YJU2B: variants seen among roughly 807,000 people sequenced by gnomAD.
YJU2B encodes the protein YJU2 splicing factor homolog B, also known as probable splicing factor YJU2B.
YJU2B carries 18 observed loss-of-function variants against 38.0 expected under a neutral mutation model. That is an observed-to-expected ratio of 0.47 (90% CI 0.33 to 0.70). The LOEUF (loss-of-function observed/expected upper bound fraction) is 0.70. YJU2B is among the 30% of genes least tolerant of loss of function. YJU2B has a pLI of 0.02. For missense variants in YJU2B, 538 were observed against 556.3 expected (o/e 0.97, Z 0.33); for synonymous variants, 246 against 225.4 (o/e 1.09, Z -0.82).
chr19:13,732,798 C>T (rs532655774), intron 2 of YJU2B, among the ~76,000 whole-genome samples: 7 of 151,738 alleles, frequency 4.6e-5, no homozygotes, highest in South Asian at 2.1e-4. Flanking sequence ...TAGTAGAGAC[C>T]GGGTTTCACC....
rs1257534852 is a variant in YJU2B, at chr19:13,753,116, G to A, written c.4-1173G>A. Among the ~76,000 whole-genome samples the A allele has an allele frequency of 2.0e-5, 3 of 152,298 alleles. No individual in the cohort carries two copies. In the East Asian group the frequency reaches 5.8e-4, roughly 29 times the overall value. Reference sequence around the variant, plus strand: ...TGGAATTTTCCAAAGCAATGACAATGGGTTTTTTGCCCAAGTAGCCCTTCC... The same window carrying A: ...TGGAATTTTCCAAAGCAATGACAATAGGTTTTTTGCCCAAGTAGCCCTTCC... On this transcript the variant is annotated intron_variant, in intron 2 of 9. Coordinates refer to ENST00000221554, the MANE Select transcript of YJU2B (RefSeq NM_030818.4).
At chr19:13,741,685 G>A (rs938870012) in intron 2 of YJU2B, among the ~76,000 whole-genome samples, 1 of 152,022 alleles carries the variant, frequency 6.6e-6, no homozygotes, top group African/African-American at 2.4e-5. Context: ...TGCAGTGATT[G>A]CACCACTGCA....
rs1973981339 is a variant in YJU2B, at chr19:13,763,062, TGAGTGAGCGATCCCCATCCTG to T, written c.1189_*18del. The stretch of plus-strand genomic sequence containing the variant: ...TGGCGGACTACTCCGACTCGGAGAG[TGAGTGAGCGATCCCCATCCTG>T]GAGACTGGACCCGCTCTAGAGGCCC... On this transcript the variant is annotated stop_lost and 3_prime_UTR_variant, in exon 10 of 10. Coordinates refer to ENST00000221554, the MANE Select transcript of YJU2B (RefSeq NM_030818.4). The T allele has an allele frequency of 6.5e-7, 1 of 1,545,690 alleles. No homozygotes were observed. The highest frequency in any genetic ancestry group is 8.7e-7 in the Non-Finnish European group (1 of 1,145,916).
upstream of YJU2B, among the ~76,000 whole-genome samples, chr19:13,745,700 T>TAGATAGAG (rs879294355): frequency 1.1e-3 from 116 of 104,342 alleles, no homozygotes; most frequent in African/African-American, 3.6e-3. Context: ...GATATAGATA[T>TAGATAGAG]ATAGATATCT....
At chr19:13,742,717 C>T (rs915771884) in intron 2 of YJU2B, among the ~76,000 whole-genome samples, 13 of 152,346 alleles carry the variant, frequency 8.5e-5, no homozygotes, top group African/African-American at 3.1e-4. Flanking sequence ...AACAGTGAGA[C>T]TCTACAAGCC....
In YJU2B at chr19:13,747,905, CA is replaced by C. The variant is rs2145116859; in HGVS notation, c.-250del. 1 of 152,420 alleles carries C rather than the reference CA, an allele frequency of 6.6e-6. No individual in the cohort carries two copies. Among genetic ancestry groups the C allele is most frequent in the African/African-American group, 2.4e-5 (1 of 41,602 alleles). 9.4% of individuals were successfully genotyped at this position (152,420 alleles called of 1,614,324 possible). ...AGGGCGCCCAGGTTCACCGCGCTCT[CA>C]GCGCGCACTTCCGGGCACGGTCAGG... is the stretch of plus-strand genomic sequence containing the variant. On this transcript the variant is annotated 5_prime_UTR_variant, in exon 1 of 10. Coordinates refer to ENST00000221554, the MANE Select transcript of YJU2B (RefSeq NM_030818.4).
chr19:13,755,057 A>G (rs182925385), intron 3 of YJU2B, among the ~76,000 whole-genome samples: 29 of 151,638 alleles, frequency 1.9e-4, no homozygotes, highest in African/African-American at 6.8e-4. Context: ...CTAGCTACTC[A>G]GGAGGCTGAG....
In YJU2B at chr19:13,756,022, A is replaced by C. The variant is rs560984666; in HGVS notation, c.58-175A>C. On this transcript the variant is annotated intron_variant, in intron 3 of 9. Coordinates refer to ENST00000221554, the MANE Select transcript of YJU2B (RefSeq NM_030818.4). ...CTCACGTTCCTGGTTCCAAGCCTAC[A>C]TGTTCCAGTAAGACCTGGATGCCCC... 2.6e-5 allele frequency among the ~76,000 whole-genome samples: 4 copies of C among 152,322 alleles called. No individual in the cohort carries two copies. In the South Asian group the frequency reaches 8.3e-4, roughly 32 times the overall value.
At chr19:13,752,541 T>C (rs530450914) in intron 2 of YJU2B, among the ~76,000 whole-genome samples, 8 of 152,076 alleles carry the variant, frequency 5.3e-5, no homozygotes, top group African/African-American at 1.9e-4. Flanking sequence ...GTCAGGAGTT[T>C]GAGACTACCC....
chr19:13,751,726 G>C lies in YJU2B; in HGVS notation c.-83G>C. Reference sequence around the variant, plus strand: ...GTGGACCCTCTGCCAGGCTCCACAAGAGGTCAGGACAGTGCAGTGTGTTCA... The same window carrying C: ...GTGGACCCTCTGCCAGGCTCCACAACAGGTCAGGACAGTGCAGTGTGTTCA... On this transcript the variant is annotated 5_prime_UTR_variant, in exon 2 of 10. Coordinates refer to ENST00000221554, the MANE Select transcript of YJU2B (RefSeq NM_030818.4). The C allele has an allele frequency of 2.1e-6, 3 of 1,459,558 alleles. No individual in the cohort carries two copies. The highest frequency in any genetic ancestry group is 9.6e-7 in the Non-Finnish European group (1 of 1,043,042). The allele number at this position is 1,459,558 out of a possible 1,614,324, so 90.4% of individuals were successfully genotyped here. A position where few individuals can be genotyped will look rare whatever the true frequency, so the allele number is the denominator to read the frequency against.
chr19:13,744,992 CA>C (rs35908579), upstream of YJU2B, among the ~76,000 whole-genome samples: 81,563 of 130,250 alleles, frequency 0.63, 23,471 homozygotes, highest in Middle Eastern at 0.75. Flanking sequence ...GACTCCGTCT[CA>C]AAAAAAAAAA....
upstream of YJU2B, among the ~76,000 whole-genome samples, chr19:13,745,686 G>GATAGATAGAT (rs1555699815): frequency 5.0e-4 from 48 of 96,270 alleles, 1 homozygote; most frequent in South Asian, 7.3e-3. Flanking sequence ...TAGATAGATA[G>GATAGATAGAT]ATAGATATAG....
At chr19:13,755,037 G>A (rs1973610411) in intron 3 of YJU2B, among the ~76,000 whole-genome samples, 1 of 151,974 alleles carries the variant, frequency 6.6e-6, no homozygotes, top group Non-Finnish European at 1.5e-5. Context: ...GAATCATTGA[G>A]GGATAAATCC....
rs767074855 is a variant in YJU2B at position 13,762,357 on chromosome 19, C to T, written c.632C>T (p.Ala211Val). 4.3e-6 allele frequency: 7 copies of T among 1,613,798 alleles called. No homozygotes were observed. The African/African-American group carries it at 6.7e-5, about 15-fold the overall frequency. Residue 211 changes from alanine (A) to valine (V), a missense_variant, in exon 9 of 10, where the codon GCG becomes GTG. Ala to Val is a moderately conservative substitution (Grantham distance 64, BLOSUM62 0). This residue lies in a region of YJU2B where 488 missense variants were observed against 469.5 expected (regional missense o/e 1.04). Transcript: ENST00000221554. ...EERDQALQAK[A>V]SLTIPLVPET... ...AGAGACCAGGCCTTGCAGGCCAAGG[C>T]GAGCCTGACCATCCCGCTGGTGCCC...
In YJU2B at chr19:13,759,125, G is replaced by A. The variant is rs2145161409; in HGVS notation, c.426G>A (p.Glu142=). The change falls in exon 8 of 10, where the codon GAG becomes GAA. Residue 142 remains glutamate (E), a synonymous_variant. Transcript: ENST00000221554. ...AGCATGAGAAGAAGCAGAAGCTGGA[G>A]ACGGACGCCATGTTCCGGCTGGAGC... ...TTEHEKKQKL[E]TDAMFRLEHG... is the part of the protein sequence containing the mutation. The A allele has an allele frequency of 6.2e-7, 1 of 1,613,818 alleles. No homozygotes were observed. Among genetic ancestry groups the A allele is most frequent in the East Asian group, 2.2e-5 (1 of 44,874 alleles).
upstream of YJU2B, among the ~76,000 whole-genome samples, chr19:13,743,621 A>G (rs1599499097): frequency 1.5e-5 from 2 of 131,620 alleles, no homozygotes; most frequent in Admixed American, 7.8e-5. Context: ...GCCTGGGCGC[A>G]GTGGCTCACG....
chr19:13,752,593 AATT>A (rs1403228157), intron 2 of YJU2B, among the ~76,000 whole-genome samples: 1 of 152,062 alleles, frequency 6.6e-6, no homozygotes, highest in East Asian at 1.9e-4. Flanking sequence ...AAAATACAAA[AATT>A]AGCCAGGCGT....
chr19:13,759,161 C>G lies in YJU2B; in HGVS notation c.462C>G (p.Ala154=). The G allele has an allele frequency of 6.2e-7, 1 of 1,613,510 alleles. No homozygotes were observed. Among genetic ancestry groups the G allele is most frequent in the Non-Finnish European group, 8.5e-7 (1 of 1,179,806 alleles). ...TGTTCCGGCTGGAGCATGGCGAGGC[C>G]GACCGCAGCACACTCAAGAAGGCGC... ...DAMFRLEHGE[A]DRSTLKKALP... is the part of the protein sequence containing the mutation. The change falls in exon 8 of 10, where the codon GCC becomes GCG. Residue 154 remains alanine, a synonymous_variant. Coordinates refer to ENST00000221554, the MANE Select transcript of YJU2B (RefSeq NM_030818.4).
At chr19:13,761,363 CAG>C (rs1175390020) in intron 8 of YJU2B, 1 of 152,098 alleles carries the variant, frequency 6.6e-6, no homozygotes, top group Non-Finnish European at 1.5e-5. Context: ...GCCTGGCCGA[CAG>C]AGCAAGACTC....
Sources: gnomAD v4.1 joint callset for allele counts (sites outside exome capture counted in the v4.1 genomes callset) on GRCh38, gnomAD v4.1.1 for gene constraint, gnomAD v4.1.1 regional missense constraint, MANE v1.5 for transcripts, NCBI Gene and HGNC (gene_info 2026-07-23, HGNC 2026-07-21) for gene names.